The following PROCR variants were observed in gnomAD, a reference collection of about 807,000 sequenced individuals.
The protein encoded by PROCR is endothelial protein C receptor.
PROCR carries 22 observed loss-of-function variants against 24.2 expected under a neutral mutation model. That is an observed-to-expected ratio of 0.91 (90% CI 0.65 to 1.30). The LOEUF (loss-of-function observed/expected upper bound fraction) is 1.30. PROCR is among the 50% of genes most tolerant of loss of function. PROCR has a pLI of 0.00. For synonymous variants in PROCR, 137 were observed against 139.2 expected, an observed-to-expected ratio of 0.98 and a Z score of 0.11; for missense variants, 288 against 307.7, an observed-to-expected ratio of 0.94 and a Z score of 0.48.
chr20:35,176,956 T>C lies in PROCR; in HGVS notation c.*143T>C. ...CCTTTCTTCTCCCACATCTGCCCAC[T>C]GAAGATTTGAGGGAGGGGAGATGGA... On this transcript the variant is annotated 3_prime_UTR_variant, in exon 4 of 4. Transcript: ENST00000216968. 1 of 1,511,566 alleles carries C rather than the reference T, an allele frequency of 6.6e-7. No homozygotes were observed. The highest frequency in any genetic ancestry group is 8.9e-7 in the Non-Finnish European group (1 of 1,128,602). 93.6% of individuals were successfully genotyped at this position (1,511,566 alleles called of 1,614,324 possible).
chr20:35,202,620 C>T (rs1568599707), intron 1 of PROCR: 2 of 152,020 alleles, frequency 1.3e-5, no homozygotes, highest in Non-Finnish European at 2.9e-5. Context: ...AGGGAAGTTA[C>T]ATAATGATAA....
chr20:35,196,258 G>T (rs2086216397), intron 1 of PROCR, among the ~76,000 whole-genome samples: 1 of 151,368 alleles, frequency 6.6e-6, no homozygotes. Flanking sequence ...TCTAATATTG[G>T]TGTCATCAAT....
intron 1 of PROCR, among the ~76,000 whole-genome samples, chr20:35,205,526 C>A (rs993796932): frequency 2.0e-5 from 3 of 149,198 alleles, no homozygotes; most frequent in African/African-American, 7.4e-5. Context: ...CCGAGGCAGG[C>A]GGATCACCTG....
chr20:35,172,349 C>T, intron 1 of PROCR, 125 bp downstream of exon 1: 1 of 1,217,716 alleles, frequency 8.2e-7, no homozygotes, highest in Non-Finnish European at 1.2e-6. Context: ...CTAGATCTCT[C>T]TACAGGGCAG....
chr20:35,200,975 A>C (rs1436217762), intron 1 of PROCR, among the ~76,000 whole-genome samples: 2 of 152,132 alleles, frequency 1.3e-5, no homozygotes, highest in Non-Finnish European at 2.9e-5. Flanking sequence ...ATGCACTGGG[A>C]AACCAAAAAC....
chr20:35,191,656 C>T (rs184103889), intron 1 of PROCR, among the ~76,000 whole-genome samples: 122 of 152,106 alleles, frequency 8.0e-4, no homozygotes, highest in African/African-American at 2.7e-3. Flanking sequence ...TTAGATAGAC[C>T]GAACAAGTGC....
At chr20:35,213,149 G>A (rs544222304) in intron 1 of PROCR, among the ~76,000 whole-genome samples, 10 of 152,274 alleles carry the variant, frequency 6.6e-5, no homozygotes, top group African/African-American at 1.7e-4. Flanking sequence ...TGGCCAACAC[G>A]GCAAAACCGC....
rs1162782814 is a variant in PROCR, at chr20:35,194,262, A to AG, written c.94+17817dup. On this transcript the variant is annotated intron_variant, in intron 1 of 1. Transcript: ENST00000634509. ...TGAGGAGTTTGGTTTGTTTTACAGAAGAACAGAGAAGTAAGATATTAAAAA... is the reference window on the plus strand; with the variant it reads ...TGAGGAGTTTGGTTTGTTTTACAGAAGGAACAGAGAAGTAAGATATTAAAAA... Among the ~76,000 whole-genome samples, 3 of 152,344 alleles carry AG rather than the reference A, an allele frequency of 2.0e-5. No homozygotes were observed. The East Asian group carries it at 5.8e-4, about 29-fold the overall frequency.
intron 1 of PROCR, among the ~76,000 whole-genome samples, chr20:35,186,731 A>T (rs1600741637): frequency 1.7e-5 from 1 of 59,714 alleles, no homozygotes; most frequent in Non-Finnish European, 2.9e-5. Flanking sequence ...GGTGGATCAC[A>T]AGGTCAGGAG....
At position 35,177,015 on chromosome 20, in the gene PROCR, G is replaced by A. The variant is rs2086027467; in HGVS notation, c.*202G>A. On this transcript the variant is annotated 3_prime_UTR_variant, in exon 4 of 4. Transcript: ENST00000216968. ...GTGGACAAAGTACTTGGTTTGCTAA[G>A]AACCTAAGAACGTGTATGCTTTGCT... 1.4e-5 allele frequency: 20 copies of A among 1,406,134 alleles called. No homozygotes were observed. The highest frequency in any genetic ancestry group is 1.8e-5 in the Non-Finnish European group (19 of 1,078,920). The allele number at this position is 1,406,134 out of a possible 1,614,324, so 87.1% of individuals were successfully genotyped here.
Position 35,214,260 on chromosome 20 carries a change from G to A in PROCR, c.95-1633G>A, listed in dbSNP as rs62211513. Among the ~76,000 whole-genome samples, 847 of 152,048 alleles carry A rather than the reference G, an allele frequency of 5.6e-3. 3 individuals carry two copies. Among genetic ancestry groups the A allele is most frequent in the Non-Finnish European group, 0.01 (681 of 67,976 alleles). ...TGCACACACATGTATTCTTTTTTCC[G>A]ATTATTACACAAATAGTAGCCTACA... is the stretch of plus-strand genomic sequence containing the variant. On this transcript the variant is annotated intron_variant, in intron 1 of 1. Coordinates refer to the PROCR transcript ENST00000634509.
intron 1 of PROCR, among the ~76,000 whole-genome samples, chr20:35,213,301 C>T (rs935855820): frequency 2.0e-5 from 3 of 151,958 alleles, no homozygotes; most frequent in Non-Finnish European, 2.9e-5. Flanking sequence ...CCACTGCACT[C>T]CATCCTGGGT....
intron 1 of PROCR, among the ~76,000 whole-genome samples, chr20:35,212,650 A>G (rs964726650): frequency 6.6e-6 from 1 of 152,212 alleles, no homozygotes; most frequent in Non-Finnish European, 1.5e-5. Flanking sequence ...AATTTCCCCA[A>G]CTGGAAAGTA....
intron 1 of PROCR, among the ~76,000 whole-genome samples, chr20:35,189,013 CG>C (rs1568595934): frequency 6.6e-6 from 1 of 152,030 alleles, no homozygotes; most frequent in East Asian, 1.9e-4. Context: ...GTGATGATTG[CG>C]TTAACTGCAC....
At chr20:35,175,577 CCTTTTTTTTT>C (rs2086005747) in intron 2 of PROCR, among the ~76,000 whole-genome samples, 1 of 51,300 alleles carries the variant, frequency 1.9e-5, no homozygotes, top group East Asian at 4.1e-4. Context: ...ACCCCACCCC[CCTTTTTTTTT>C]TTTTTTTTTT....
intron 1 of PROCR, among the ~76,000 whole-genome samples, chr20:35,187,867 C>T (rs1212082415): frequency 6.6e-6 from 1 of 152,184 alleles, no homozygotes; most frequent in Admixed American, 6.5e-5. Flanking sequence ...AGATGGCTGA[C>T]AGGACAATTG....
chr20:35,188,893 T>C (rs1419484966), intron 1 of PROCR, among the ~76,000 whole-genome samples: 1 of 152,160 alleles, frequency 6.6e-6, no homozygotes, highest in Non-Finnish European at 1.5e-5. Context: ...TTCATGGACA[T>C]TTATCACTTC....
intron 1 of PROCR, among the ~76,000 whole-genome samples, chr20:35,205,411 A>T (rs925575870): frequency 5.3e-5 from 8 of 151,204 alleles, no homozygotes; most frequent in South Asian, 2.1e-4. Context: ...AAAAAAAAAA[A>T]AATCTCTCAG....
chr20:35,186,364 C>T (rs1400305869), intron 1 of PROCR, among the ~76,000 whole-genome samples: 1 of 151,010 alleles, frequency 6.6e-6, no homozygotes, highest in African/African-American at 2.4e-5. Context: ...ATCGGGAGTT[C>T]AAGACCAGCC....
Sources: gnomAD v4.1 joint callset for allele counts (sites outside exome capture counted in the v4.1 genomes callset) on GRCh38, gnomAD v4.1.1 for gene constraint, MANE v1.5 for transcripts, NCBI Gene and HGNC (gene_info 2026-07-23, HGNC 2026-07-21) for gene names.